The following CADM2 variants were observed in gnomAD, a reference collection of about 807,000 sequenced individuals.
CADM2 encodes the protein immunoglobulin superfamily member 4D.
A neutral mutation model predicts 49.8 loss-of-function variants in CADM2; 12 were observed. The observed-to-expected ratio is 0.24, with a 90% CI of 0.15 to 0.39. CADM2 has a LOEUF of 0.39. CADM2 is among the 10% of genes least tolerant of loss of function. The pLI, the probability that CADM2 is intolerant of heterozygous loss-of-function variation, is 1.00. For synonymous variants in CADM2, 214 were observed against 175.4 expected (o/e 1.22, Z -1.74); for missense variants, 378 against 492.3 (o/e 0.77, Z 2.20).
chr3:85,179,130 T>C (rs557114285), intron 1 of CADM2, among the ~76,000 whole-genome samples: 1 of 152,124 alleles, frequency 6.6e-6, no homozygotes, highest in African/African-American at 2.4e-5. Flanking sequence ...AGTGTCTAGA[T>C]GTCTTCTCCA....
intron 8 of CADM2, among the ~76,000 whole-genome samples, chr3:85,971,458 T>C (rs1183952011): frequency 6.6e-6 from 1 of 151,714 alleles, no homozygotes; most frequent in Non-Finnish European, 1.5e-5. Context: ...AGAGCCTACA[T>C]GAAAAATCAA....
At position 85,611,247 on chromosome 3, in the gene CADM2, AT is replaced by A. The variant is rs1004570306; in HGVS notation, c.62-115274del. ...TAATCATTAGTCATGTATACTGCAA[AT>A]GTTTTTTTTTTTCTGTGAAAGCATA... On this transcript the variant is annotated intron_variant, in intron 1 of 9. Coordinates refer to ENST00000383699, the MANE Select transcript of CADM2 (RefSeq NM_001167675.2). 2.9e-5 allele frequency among the ~76,000 whole-genome samples: 3 copies of A among 103,762 alleles called. No individual in the cohort carries two copies. In the Admixed American group the frequency reaches 3.3e-4, roughly 11 times the overall value. The allele number at this position is 103,762 out of a possible 152,430, so 68.1% of individuals were successfully genotyped here.
At chr3:85,282,631 G>T (rs537583447) in intron 1 of CADM2, among the ~76,000 whole-genome samples, 22 of 151,878 alleles carry the variant, frequency 1.4e-4, no homozygotes, top group Admixed American at 9.9e-4. Flanking sequence ...AATTACCGTA[G>T]TAAAGAATAT....
At chr3:85,149,281 C>T (rs953845787) in intron 1 of CADM2, among the ~76,000 whole-genome samples, 1 of 152,164 alleles carries the variant, frequency 6.6e-6, no homozygotes, top group Non-Finnish European at 1.5e-5. Context: ...ATGAACACAG[C>T]AAGAAGGACC....
At chr3:84,992,396 C>G (rs561917340) in intron 1 of CADM2, among the ~76,000 whole-genome samples, 1 of 140,454 alleles carries the variant, frequency 7.1e-6, no homozygotes, top group East Asian at 1.9e-4. Context: ...TTTGGCAAGC[C>G]GAGGCGGGCG....
At chr3:86,013,643 G>A (rs1731830538) in intron 8 of CADM2, 4 of 1,602,448 alleles carry the variant, frequency 2.5e-6, no homozygotes, top group Non-Finnish European at 3.4e-6. Flanking sequence ...ACGATGTAGT[G>A]GACATAGCAG....
At chr3:85,243,942 A>AATGTAT (rs2042590228) in intron 1 of CADM2, among the ~76,000 whole-genome samples, 1 of 152,000 alleles carries the variant, frequency 6.6e-6, no homozygotes, top group Non-Finnish European at 1.5e-5. Flanking sequence ...ATCATTATTA[A>AATGTAT]ATGTATGATT....
At chr3:85,154,396 A>C (rs1575996266) in intron 1 of CADM2, among the ~76,000 whole-genome samples, 1 of 152,184 alleles carries the variant, frequency 6.6e-6, no homozygotes, top group Admixed American at 6.5e-5. Flanking sequence ...AGAAAAAAGA[A>C]TAAAAAGAAA....
chr3:85,670,849 T>TG (rs2065714759), intron 1 of CADM2, among the ~76,000 whole-genome samples: 1 of 152,168 alleles, frequency 6.6e-6, no homozygotes, highest in African/African-American at 2.4e-5. Context: ...CCTCTGTCTG[T>TG]GGCCTTATTC....
chr3:85,877,817 CTCAGTTTCAAT>C (rs1241617068), intron 3 of CADM2, among the ~76,000 whole-genome samples: 4 of 150,580 alleles, frequency 2.7e-5, no homozygotes, highest in South Asian at 2.1e-4. Context: ...GAGTTTAGCT[CTCAGTTTCAAT>C]TCAATAGCTA....
intron 1 of CADM2, among the ~76,000 whole-genome samples, chr3:85,165,413 C>T (rs961608950): frequency 6.6e-6 from 1 of 151,640 alleles, no homozygotes; most frequent in East Asian, 1.9e-4. Flanking sequence ...AAAAAAGGTC[C>T]CAAGCTATTT....
At chr3:85,557,237 A>G (rs921120072) in intron 1 of CADM2, among the ~76,000 whole-genome samples, 6 of 152,040 alleles carry the variant, frequency 3.9e-5, no homozygotes, top group African/African-American at 1.4e-4. Flanking sequence ...ATATACACAT[A>G]TATTTATGTG....
intron 8 of CADM2, among the ~76,000 whole-genome samples, chr3:86,057,832 T>C (rs1263630634): frequency 6.6e-6 from 1 of 151,918 alleles, no homozygotes; most frequent in Non-Finnish European, 1.5e-5. Flanking sequence ...TCCATCATGA[T>C]AGAAAAAAAA....
intron 1 of CADM2, among the ~76,000 whole-genome samples, chr3:85,200,901 TTAAAG>T (rs2041481104): frequency 6.6e-6 from 1 of 152,170 alleles, no homozygotes; most frequent in Admixed American, 6.6e-5. Flanking sequence ...TGAATCTATC[TTAAAG>T]TAATTATATG....
chr3:85,995,257 C>A (rs371128660), intron 8 of CADM2, among the ~76,000 whole-genome samples: 1 of 151,930 alleles, frequency 6.6e-6, no homozygotes, highest in Non-Finnish European at 1.5e-5. Flanking sequence ...TAATACATGA[C>A]ACAATATACA....
At chr3:85,775,492 A>G (rs1469089564) in intron 2 of CADM2, among the ~76,000 whole-genome samples, 4 of 151,828 alleles carry the variant, frequency 2.6e-5, no homozygotes, top group Admixed American at 6.6e-5. Flanking sequence ...TGATGACTAT[A>G]TTGTAGCTTT....
rs763142331 is a variant in CADM2 at position 84,959,714 on chromosome 3, C to A, written c.61+46C>A. 67 of 1,487,314 alleles carry A rather than the reference C, an allele frequency of 4.5e-5. 1 individual carries two copies. In the East Asian group the frequency reaches 1.5e-3, roughly 34 times the overall value. The allele number at this position is 1,487,314 out of a possible 1,614,324, so 92.1% of individuals were successfully genotyped here. On this transcript the variant is annotated intron_variant, in intron 1 of 9. Transcript: ENST00000383699. ...GGGAACATCAACTTCTCGCCCATTCCCCATCTTCCCCATTCCACCCCATAT... is the reference window on the plus strand; with the variant it reads ...GGGAACATCAACTTCTCGCCCATTCACCATCTTCCCCATTCCACCCCATAT...
At chr3:85,756,772 A>G (rs1010291631) in intron 2 of CADM2, among the ~76,000 whole-genome samples, 2 of 152,184 alleles carry the variant, frequency 1.3e-5, no homozygotes, top group African/African-American at 4.8e-5. Flanking sequence ...TTTGAACAGT[A>G]TCGAATAGTT....
chr3:85,746,429 T>C (rs188643356), intron 2 of CADM2, among the ~76,000 whole-genome samples: 1 of 152,184 alleles, frequency 6.6e-6, no homozygotes, highest in Non-Finnish European at 1.5e-5. Context: ...GAATTTGTAT[T>C]GTAACATCGA....
Sources: gnomAD v4.1 joint callset for allele counts (sites outside exome capture counted in the v4.1 genomes callset) on GRCh38, gnomAD v4.1.1 for gene constraint, MANE v1.5 for transcripts, NCBI Gene and HGNC (gene_info 2026-07-23, HGNC 2026-07-21) for gene names.